MECOM: variants seen among roughly 807,000 people sequenced by gnomAD.
The protein encoded by MECOM is MDS1 and EVI1 complex locus, also known as histone-lysine N-methyltransferase MECOM.
MECOM carries 13 observed loss-of-function variants against 116.3 expected under a neutral mutation model. That is an observed-to-expected ratio of 0.11 (90% confidence interval 0.07 to 0.18). The LOEUF (loss-of-function observed/expected upper bound fraction) is 0.18, where lower values mean the gene tolerates loss of function less well. Among genes scored for constraint, MECOM ranks in the 10% least tolerant of loss-of-function variants. The pLI, the probability that MECOM is intolerant of heterozygous loss-of-function variation, is 1.00. For synonymous variants in MECOM, 528 were observed against 535.2 expected (o/e 0.99, Z 0.19); for missense variants, 1,299 against 1,509.0 (o/e 0.86, Z 2.31).
chr3:169,344,291 G>A (rs1428727075), intron 2 of MECOM, among the ~76,000 whole-genome samples: 2 of 152,088 alleles, frequency 1.3e-5, no homozygotes, highest in African/African-American at 4.8e-5. Context: ...TTGTAATATA[G>A]TGAGGGGTTA....
chr3:169,094,866 AT>A (rs1431681111), intron 13 of MECOM, among the ~76,000 whole-genome samples: 2 of 152,242 alleles, frequency 1.3e-5, no homozygotes, highest in African/African-American at 4.8e-5. Context: ...AGATAAAAAC[AT>A]AATCCAAATA....
At chr3:169,325,194 CG>C (rs1186091335) in intron 2 of MECOM, among the ~76,000 whole-genome samples, 3 of 152,162 alleles carry the variant, frequency 2.0e-5, no homozygotes, top group African/African-American at 7.2e-5. Flanking sequence ...AGCACAGCTA[CG>C]GGTCCGCTTG....
At chr3:169,629,131 T>C (rs2109954115) in intron 1 of MECOM, among the ~76,000 whole-genome samples, 1 of 151,682 alleles carries the variant, frequency 6.6e-6, no homozygotes. Flanking sequence ...TTTTTTTTTT[T>C]TTTTTTGAAT....
intron 1 of MECOM, among the ~76,000 whole-genome samples, chr3:169,391,600 T>C (rs981236048): frequency 1.2e-4 from 19 of 152,214 alleles, no homozygotes; most frequent in Non-Finnish European, 2.4e-4. Context: ...GAAAACATTA[T>C]ATATTTTGAT....
At chr3:169,370,912 T>C (rs1168736151) in intron 2 of MECOM, among the ~76,000 whole-genome samples, 2 of 151,912 alleles carry the variant, frequency 1.3e-5, no homozygotes, top group African/African-American at 4.8e-5. Context: ...ATACTGTTGG[T>C]AGGAATTTAA....
chr3:169,205,457 C>T (rs916573611), intron 2 of MECOM, among the ~76,000 whole-genome samples: 4 of 152,132 alleles, frequency 2.6e-5, no homozygotes, highest in African/African-American at 9.7e-5. Context: ...TAGGCCACAC[C>T]GTACTGTACA....
chr3:169,486,018 G>GTA (rs1240692777), intron 1 of MECOM, among the ~76,000 whole-genome samples: 1 of 100,016 alleles, frequency 1.0e-5, no homozygotes, highest in Admixed American at 1.1e-4. Context: ...ATATATATAT[G>GTA]TATATATAGT....
chr3:169,580,496 C>T (rs1420905682), intron 1 of MECOM, among the ~76,000 whole-genome samples: 1 of 152,100 alleles, frequency 6.6e-6, no homozygotes, highest in Non-Finnish European at 1.5e-5. Context: ...AAAATATTCA[C>T]CTCCAGTTAC....
chr3:169,479,589 T>C lies in MECOM; in HGVS notation c.38-98065A>G, dbSNP rs1183583298. On this transcript the variant is annotated intron_variant, in intron 1 of 16. Transcript: ENST00000651503. The stretch of plus-strand genomic sequence containing the variant: ...GTAAAGCCAAGCAGATATCAGCCAA[T>C]GTGTCTGAGCAGTAAAGATATGGAG... Among the ~76,000 whole-genome samples the C allele has an allele frequency of 2.0e-5, 3 of 147,320 alleles. 1 individual carries two copies. Among genetic ancestry groups the C allele is most frequent in the South Asian group, 4.3e-4 (2 of 4,670 alleles).
chr3:169,487,163 C>T (rs1752480917), intron 1 of MECOM, among the ~76,000 whole-genome samples: 1 of 151,666 alleles, frequency 6.6e-6, no homozygotes, highest in Non-Finnish European at 1.5e-5. Flanking sequence ...ACTCACAAAA[C>T]ATTACTAAAA....
At chr3:169,566,534 T>G (rs1454702242) in intron 1 of MECOM, among the ~76,000 whole-genome samples, 4 of 152,196 alleles carry the variant, frequency 2.6e-5, no homozygotes, top group African/African-American at 9.6e-5. Context: ...GCTTTACCTA[T>G]TCTAAGCCCC....
intron 1 of MECOM, among the ~76,000 whole-genome samples, chr3:169,646,068 G>T (rs1293840491): frequency 6.6e-6 from 1 of 152,094 alleles, no homozygotes; most frequent in Non-Finnish European, 1.5e-5. Context: ...CAAAGGACAT[G>T]AACTCATCCT....
chr3:169,516,259 T>C (rs558191934), intron 1 of MECOM, among the ~76,000 whole-genome samples: 12 of 152,330 alleles, frequency 7.9e-5, no homozygotes, highest in African/African-American at 2.9e-4. Context: ...TATTGGATAA[T>C]GTTTTCTACC....
At chr3:169,085,510 G>A (rs1220047407) in intron 16 of MECOM, among the ~76,000 whole-genome samples, 1 of 152,188 alleles carries the variant, frequency 6.6e-6, no homozygotes, top group Non-Finnish European at 1.5e-5. Context: ...GAAGGTGCTT[G>A]AGTGACTTGC....
chr3:169,420,783 A>T (rs1160972343), intron 1 of MECOM, among the ~76,000 whole-genome samples: 1 of 152,170 alleles, frequency 6.6e-6, no homozygotes, highest in Admixed American at 6.6e-5. Context: ...ATGATGTTTT[A>T]ATATAGGATG....
intron 1 of MECOM, among the ~76,000 whole-genome samples, chr3:169,610,317 T>C (rs1218122866): frequency 1.3e-5 from 2 of 152,082 alleles, no homozygotes; most frequent in East Asian, 1.9e-4. Flanking sequence ...AATCATGGGA[T>C]GTAATGGGGG....
chr3:169,107,002 G>C (rs904513085), intron 10 of MECOM, among the ~76,000 whole-genome samples: 1 of 152,040 alleles, frequency 6.6e-6, no homozygotes, highest in African/African-American at 2.4e-5. Flanking sequence ...TTCCACAAAA[G>C]AGATAAAATG....
chr3:169,504,981 C>T (rs73174334), intron 1 of MECOM, among the ~76,000 whole-genome samples: 15,989 of 152,144 alleles, frequency 0.11, 919 homozygotes, highest in Non-Finnish European at 0.12. Context: ...GGCTACCATC[C>T]GTCACCACCA....
chr3:169,117,241 G>A (rs1385164773), intron 7 of MECOM, among the ~76,000 whole-genome samples: 2 of 152,028 alleles, frequency 1.3e-5, no homozygotes, highest in African/African-American at 4.8e-5. Flanking sequence ...CTCCCCTTGG[G>A]GAAAAAGCCT....
Sources: gnomAD v4.1 joint callset for allele counts (sites outside exome capture counted in the v4.1 genomes callset) on GRCh38, gnomAD v4.1.1 for gene constraint, MANE v1.5 for transcripts, NCBI Gene and HGNC (gene_info 2026-07-23, HGNC 2026-07-21) for gene names.